MOV10L1: variants seen among roughly 807,000 people sequenced by gnomAD.
The protein encoded by MOV10L1 is RNA helicase Mov10l1.
Under a neutral mutation model 143.8 loss-of-function variants are expected in MOV10L1, and 110 were observed. That is an observed-to-expected ratio of 0.76 (90% CI 0.66 to 0.90). The LOEUF (loss-of-function observed/expected upper bound fraction) is 0.90. MOV10L1 is among the 40% of genes least tolerant of loss of function. The pLI is 0.00. For missense variants in MOV10L1, 1,406 were observed against 1,526.8 expected (o/e 0.92, Z 1.32); for synonymous variants, 593 against 581.1 (o/e 1.02, Z -0.29).
chr22:50,099,673 C>G, intron 3 of MOV10L1, 71 bp downstream of exon 3: 1 of 1,514,246 alleles, frequency 6.6e-7, no homozygotes, highest in Non-Finnish European at 9.0e-7. Context: ...ATGGACCAGG[C>G]ACGGTGGCTC....
chr22:50,115,151 C>A lies in MOV10L1; in HGVS notation c.1164C>A (p.Asp388Glu), dbSNP rs1401390097. 2 of 1,569,678 alleles carry A rather than the reference C, an allele frequency of 1.3e-6. No individual in the cohort carries two copies. Among genetic ancestry groups the A allele is most frequent in the Middle Eastern group, 1.7e-4 (1 of 5,972 alleles). The stretch of plus-strand genomic sequence containing the variant: ...GTAAAGGAGAAAATGGAGAAAAAGA[C>A]AACATTCTATCAAGGAAGCAGATGA... ...CTCKGENGEK[D>E]NILSRKQMTE... is the part of the protein sequence containing the mutation. Residue 388 changes from aspartate to glutamate, a missense_variant, in exon 8 of 27, where the codon GAC becomes GAA. Physicochemically the swap from Asp to Glu is conservative, Grantham distance 45. Transcript: ENST00000262794.
At chr22:50,092,305 C>A in intron 2 of MOV10L1, 120 bp downstream of exon 2, 1 of 850,068 alleles carries the variant, frequency 1.2e-6, no homozygotes. Context: ...AATGTACCTT[C>A]AAGGGGATGC....
At chr22:50,102,277 A>G (rs1328048537) in intron 3 of MOV10L1, among the ~76,000 whole-genome samples, 2 of 152,252 alleles carry the variant, frequency 1.3e-5, no homozygotes, top group African/African-American at 4.8e-5. Context: ...GATACAGAGT[A>G]TCTAATGAGA....
intron 22 of MOV10L1, among the ~76,000 whole-genome samples, chr22:50,154,629 C>G (rs1236784079): frequency 2.6e-5 from 4 of 152,154 alleles, no homozygotes; most frequent in Non-Finnish European, 5.9e-5. Flanking sequence ...AGCTCTGTGT[C>G]CTGGCCTAGG....
In MOV10L1 at chr22:50,137,777, T is replaced by TACAC. The variant is rs1218349979; in HGVS notation, c.2070+3148_2070+3149insCACA. On this transcript the variant is annotated intron_variant, in intron 15 of 26. Coordinates refer to ENST00000262794, the MANE Select transcript of MOV10L1 (RefSeq NM_018995.3). ...TATATAAATATACATATTTTATATA[T>TACAC]ATACATATATAAATATACATATTTT... 1.2e-4 allele frequency among the ~76,000 whole-genome samples: 17 copies of TACAC among 137,048 alleles called. 1 individual carries two copies. Among genetic ancestry groups the TACAC allele is most frequent in the Admixed American group, 6.7e-4 (8 of 11,992 alleles). 89.9% of individuals were successfully genotyped at this position (137,048 alleles called of 152,430 possible).
Position 50,159,850 on chromosome 22 carries a change from G to T in MOV10L1, c.3324+65G>T, listed in dbSNP as rs917063147. Reference sequence around the variant, plus strand: ...GCTTGCTGCCCTGGGGGTTCTGGGGGCTTCAGATCTAAAGGGGCAGAGGCT... The same window carrying T: ...GCTTGCTGCCCTGGGGGTTCTGGGGTCTTCAGATCTAAAGGGGCAGAGGCT... On this transcript the variant is annotated intron_variant, in intron 24 of 26. Coordinates refer to ENST00000262794, the MANE Select transcript of MOV10L1 (RefSeq NM_018995.3). The surrounding 1 kb of genome is among the most constrained non-coding windows in gnomAD (Gnocchi z 4.1). The T allele has an allele frequency of 8.1e-6, 9 of 1,106,810 alleles. No individual in the cohort carries two copies. The highest frequency in any genetic ancestry group is 1.1e-5 in the Non-Finnish European group (8 of 738,964). The allele number at this position is 1,106,810 out of a possible 1,614,324, so 68.6% of individuals were successfully genotyped here. A position where few individuals can be genotyped will look rare whatever the true frequency, so the allele number is the denominator to read the frequency against.
intron 5 of MOV10L1, among the ~76,000 whole-genome samples, chr22:50,110,936 A>T (rs938125333): frequency 1.1e-5 from 1 of 89,954 alleles, no homozygotes; most frequent in African/African-American, 3.5e-5. Context: ...ATCTCCAATT[A>T]AAAAAAAAAA....
chr22:50,143,286 C>T, intron 17 of MOV10L1, 65 bp downstream of exon 17: 2 of 1,523,310 alleles, frequency 1.3e-6, no homozygotes, highest in South Asian at 1.1e-5. Flanking sequence ...TCTGTGTCTT[C>T]AGGAAGTGTG....
chr22:50,126,256 TC>T lies in MOV10L1; in HGVS notation c.1803del (p.Ser602AlafsTer3). On this transcript the variant is annotated frameshift_variant, in exon 12 of 27. Transcript: ENST00000262794. LOFTEE classifies it high-confidence loss of function. ...QEYNGHAIEYISYVTEIHEED... is the reference protein window; with the variant it reads ...QEYNGHAIEYXSYVTEIHEED... ...TACAATGGACATGCCATCGAATACA[TC>T]AGCTACGTGACTGAGGTGAGAGCAC... 1 of 1,612,310 alleles carries T rather than the reference TC, an allele frequency of 6.2e-7. No homozygotes were observed. Among genetic ancestry groups the T allele is most frequent in the Non-Finnish European group, 8.5e-7 (1 of 1,178,372 alleles).
intron 5 of MOV10L1, among the ~76,000 whole-genome samples, chr22:50,112,113 C>T (rs759630887): frequency 3.3e-5 from 5 of 152,204 alleles, no homozygotes; most frequent in Non-Finnish European, 5.9e-5. Context: ...AGGAGCCTTG[C>T]CCTTCGGCCC....
rs1295233869 is a variant in MOV10L1 at position 50,161,469 on chromosome 22, G to T, written c.*20G>T. The T allele has an allele frequency of 6.4e-7, 1 of 1,567,142 alleles. No individual in the cohort carries two copies. The highest frequency in any genetic ancestry group is 1.9e-5 in the Admixed American group (1 of 53,032). On this transcript the variant is annotated 3_prime_UTR_variant, in exon 27 of 27. Transcript: ENST00000262794. ...AGCTGATCTGCAGTGGCTGACAGCA[G>T]GGAGGCCATGTGCTCAGCCTGGCCA...
At position 50,161,559 on chromosome 22, in the gene MOV10L1, C is replaced by T. The variant is rs543504072; in HGVS notation, c.*110C>T. ...CCCTTGTCTCGCAGCCAGGCAGGGT[C>T]GTGTGTGGGTGTGGGGCTGCCAGGT... On this transcript the variant is annotated 3_prime_UTR_variant, in exon 27 of 27. Coordinates refer to ENST00000262794, the MANE Select transcript of MOV10L1 (RefSeq NM_018995.3). 41 of 1,124,016 alleles carry T rather than the reference C, an allele frequency of 3.6e-5. No homozygotes were observed. Among genetic ancestry groups the T allele is most frequent in the African/African-American group, 1.7e-4 (11 of 64,166 alleles). 69.6% of individuals were successfully genotyped at this position (1,124,016 alleles called of 1,614,324 possible).
At chr22:50,142,602 G>C (rs1185572658) in intron 16 of MOV10L1, among the ~76,000 whole-genome samples, 1 of 151,940 alleles carries the variant, frequency 6.6e-6, no homozygotes, top group African/African-American at 2.4e-5. Context: ...GCTAAGGTGG[G>C]CAGATCATAT....
chr22:50,125,625 A>G, intron 11 of MOV10L1, 56 bp downstream of exon 11: 2 of 1,535,300 alleles, frequency 1.3e-6, no homozygotes. Flanking sequence ...ACCATACTTG[A>G]GAGAAGATAC....
intron 9 of MOV10L1, among the ~76,000 whole-genome samples, chr22:50,118,110 C>T (rs2062233255): frequency 6.6e-6 from 1 of 152,042 alleles, no homozygotes; most frequent in South Asian, 2.1e-4. Context: ...TCACGTGTTG[C>T]CCCAGTTACA....
At chr22:50,095,817 A>G (rs2062574250) in intron 2 of MOV10L1, 1 of 152,066 alleles carries the variant, frequency 6.6e-6, no homozygotes, top group Non-Finnish European at 1.5e-5. Context: ...GTTATGGTGA[A>G]GAGGGTTCAT....
rs1307174724 is a variant in MOV10L1 at position 50,114,432 on chromosome 22, G to A, written c.936G>A (p.Trp312Ter). Reference sequence around the variant, plus strand: ...TAGTCAGCTGTAAACTGGCTGGCTGGGATAAATCTAAACAATTCAGATTCC... The same window carrying A: ...TAGTCAGCTGTAAACTGGCTGGCTGAGATAAATCTAAACAATTCAGATTCC... ...QNLVSCKLAG[W>*]DKSKQFRFQM... Residue 312 changes from tryptophan to a stop codon, truncating the protein, a stop_gained, in exon 7 of 27, where the codon TGG (tryptophan) becomes TGA (stop). Coordinates refer to ENST00000262794, the MANE Select transcript of MOV10L1 (RefSeq NM_018995.3). LOFTEE classifies it high-confidence loss of function. 6.2e-7 allele frequency: 1 copy of A among 1,614,126 alleles called. No homozygotes were observed. Among genetic ancestry groups the A allele is most frequent in the East Asian group, 2.2e-5 (1 of 44,888 alleles).
At chr22:50,143,971 G>A in intron 17 of MOV10L1, 126 bp from the exon 18 acceptor site, 1 of 1,249,738 alleles carries the variant, frequency 8.0e-7, no homozygotes, top group Non-Finnish European at 1.1e-6. Flanking sequence ...CAGTGTGTTG[G>A]GGGCTGGCAT....
intron 1 of MOV10L1, chr22:50,090,509 G>A: frequency 6.2e-7 from 1 of 1,608,792 alleles, no homozygotes; most frequent in African/African-American, 1.3e-5. Context: ...CGTCATTGGC[G>A]GTGGTGTGTC....
Sources: gnomAD v4.1 joint callset for allele counts (sites outside exome capture counted in the v4.1 genomes callset) on GRCh38, gnomAD v4.1.1 for gene constraint, Gnocchi (gnomAD v3.1) non-coding constraint, MANE v1.5 for transcripts, NCBI Gene and HGNC (gene_info 2026-07-23, HGNC 2026-07-21) for gene names.